SFXN5: variants seen among roughly 807,000 people sequenced by gnomAD.
SFXN5 encodes sideroflexin-5.
SFXN5 carries 43 observed loss-of-function variants against 50.2 expected under a neutral mutation model. The observed-to-expected ratio is 0.86, with a 90% confidence interval of 0.67 to 1.11. The LOEUF (loss-of-function observed/expected upper bound fraction) is 1.11, where lower values mean the gene tolerates loss of function less well. Among genes scored for constraint, SFXN5 ranks in the 50% least tolerant of loss-of-function variants. SFXN5 has a pLI of 0.00. For missense variants in SFXN5, 463 were observed against 454.1 expected, an observed-to-expected ratio of 1.02 and a Z score of -0.18; for synonymous variants, 203 against 185.8, an observed-to-expected ratio of 1.09 and a Z score of -0.75.
chr2:72,974,079 C>T (rs1029034220), intron 10 of SFXN5, among the ~76,000 whole-genome samples: 17 of 152,206 alleles, frequency 1.1e-4, no homozygotes, highest in African/African-American at 2.2e-4. Flanking sequence ...TTGGCTTCTC[C>T]GGGCATAAAA....
chr2:73,058,285 T>C lies in SFXN5; in HGVS notation c.171+243A>G, dbSNP rs187821073. ...CAATAATATCTATCTTAAAGGGTTG[T>C]TGTGAGATCCAAATGATATAATGTA... On this transcript the variant is annotated intron_variant, in intron 2 of 13. Coordinates refer to ENST00000272433, the MANE Select transcript of SFXN5 (RefSeq NM_144579.3). The C allele has an allele frequency of 1.8e-3, 756 of 423,530 alleles. 13 individuals are homozygous for C. The Admixed American group carries it at 0.024, about 14-fold the overall frequency. The allele number at this position is 423,530 out of a possible 1,614,324, so 26.2% of individuals were successfully genotyped here.
chr2:72,995,404 C>T (rs1673099975), intron 9 of SFXN5, among the ~76,000 whole-genome samples: 1 of 152,224 alleles, frequency 6.6e-6, no homozygotes, highest in South Asian at 2.1e-4. Flanking sequence ...GCTAATCCCA[C>T]CCTGGTGGTC....
intron 6 of SFXN5, among the ~76,000 whole-genome samples, chr2:73,017,753 T>G (rs1396127313): frequency 6.6e-6 from 1 of 152,196 alleles, no homozygotes; most frequent in African/African-American, 2.4e-5. Flanking sequence ...TCATGAATTT[T>G]TACAAGTTGT....
At chr2:73,041,456 CTGAGGCGGGAAGATCA>C (rs1340929687) in intron 2 of SFXN5, among the ~76,000 whole-genome samples, 1 of 152,108 alleles carries the variant, frequency 6.6e-6, no homozygotes, top group Non-Finnish European at 1.5e-5. Flanking sequence ...CTTTTGGAGG[CTGAGGCGGGAAGATCA>C]TGAGGTCAGG....
rs776366786 is a variant in SFXN5, at chr2:72,942,296, A to C, written c.*2726T>G. 2.6e-5 allele frequency: 4 copies of C among 152,304 alleles called. No homozygotes were observed. The highest frequency in any genetic ancestry group is 4.4e-5 in the Non-Finnish European group (3 of 68,106). The allele number at this position is 152,304 out of a possible 1,614,324, so 9.4% of individuals were successfully genotyped here. A position where few individuals can be genotyped will look rare whatever the true frequency, so the allele number is the denominator to read the frequency against. ...AAGAAGTCGGCTCATAACCAGGTGA[A>C]AGGGGTCCGTCGGCCAGCTCGACTC... On this transcript the variant is annotated 3_prime_UTR_variant, in exon 14 of 14. Coordinates refer to ENST00000272433, the MANE Select transcript of SFXN5 (RefSeq NM_144579.3).
chr2:72,988,576 G>C (rs1460750442), intron 9 of SFXN5, among the ~76,000 whole-genome samples: 4 of 151,996 alleles, frequency 2.6e-5, no homozygotes, highest in Non-Finnish European at 5.9e-5. Flanking sequence ...ATGAGAAAGA[G>C]GGAGAGAGGT....
intron 2 of SFXN5, among the ~76,000 whole-genome samples, chr2:73,046,453 G>A (rs182981457): frequency 1.3e-5 from 2 of 151,598 alleles, no homozygotes; most frequent in African/African-American, 4.9e-5. Flanking sequence ...TTTTGTCCAG[G>A]AAAGCAAAAG....
chr2:72,951,166 T>G (rs953464560), intron 13 of SFXN5, among the ~76,000 whole-genome samples: 2 of 152,076 alleles, frequency 1.3e-5, no homozygotes, highest in Non-Finnish European at 2.9e-5. Context: ...TGCCCTGCCA[T>G]GAAGGAAGCA....
At chr2:72,962,938 A>G (rs1411675367) in intron 12 of SFXN5, among the ~76,000 whole-genome samples, 3 of 152,008 alleles carry the variant, frequency 2.0e-5, no homozygotes, top group Non-Finnish European at 4.4e-5. Context: ...TGATCCTCCA[A>G]TCCCCATCCA....
intron 8 of SFXN5, among the ~76,000 whole-genome samples, chr2:73,000,211 C>T (rs1001071369): frequency 3.3e-5 from 5 of 152,214 alleles, no homozygotes; most frequent in African/African-American, 1.2e-4. Context: ...AACAGCCCCT[C>T]CCCAGAGGGC....
At chr2:72,986,782 G>A (rs1400031440) in intron 10 of SFXN5, among the ~76,000 whole-genome samples, 1 of 152,196 alleles carries the variant, frequency 6.6e-6, no homozygotes, top group Non-Finnish European at 1.5e-5. Context: ...CAGGGCCCCA[G>A]CCTGGGGCAT....
intron 6 of SFXN5, among the ~76,000 whole-genome samples, chr2:73,015,313 T>G (rs1390543471): frequency 2.0e-5 from 3 of 152,236 alleles, no homozygotes; most frequent in African/African-American, 7.2e-5. Context: ...TTCGTTATGA[T>G]GTACTTTGAT....
intron 1 of SFXN5, among the ~76,000 whole-genome samples, chr2:73,066,483 G>A (rs749480375): frequency 6.6e-5 from 10 of 151,916 alleles, no homozygotes; most frequent in Non-Finnish European, 1.5e-4. Flanking sequence ...ACTTGAACCC[G>A]GGAGGCGGAG....
intron 12 of SFXN5, among the ~76,000 whole-genome samples, chr2:72,968,132 CA>C (rs909370398): frequency 2.1e-5 from 3 of 144,858 alleles, no homozygotes; most frequent in African/African-American, 7.8e-5. Flanking sequence ...AACACACACA[CA>C]CACACACACA....
chr2:73,047,300 A>AATAT (rs201387989), intron 2 of SFXN5, among the ~76,000 whole-genome samples: 4 of 103,854 alleles, frequency 3.9e-5, no homozygotes, highest in East Asian at 6.1e-4. Context: ...ATATATATAA[A>AATAT]ATATATATGT....
intron 4 of SFXN5, 29 bp from the exon 5 acceptor site, chr2:73,022,605 TGGGGAC>T: frequency 7.2e-6 from 2 of 279,664 alleles, no homozygotes; most frequent in Non-Finnish European, 9.8e-6. Context: ...GAGAATGGGG[TGGGGAC>T]GGGGGTGTAG....
intron 6 of SFXN5, among the ~76,000 whole-genome samples, chr2:73,015,898 A>ATGG (rs1190471176): frequency 6.6e-6 from 1 of 151,256 alleles, no homozygotes; most frequent in African/African-American, 2.4e-5. Flanking sequence ...TGATCGCATC[A>ATGG]CTGCACTCCA....
intron 4 of SFXN5, 117 bp from the exon 5 acceptor site, chr2:73,022,693 G>T: frequency 1.4e-6 from 1 of 702,934 alleles, no homozygotes. Flanking sequence ...AAGGGAAGAA[G>T]ACAACTTCTC....
chr2:73,021,042 AGCCATGGTT>A (rs1392601928), intron 5 of SFXN5, among the ~76,000 whole-genome samples: 1 of 152,228 alleles, frequency 6.6e-6, no homozygotes, highest in Non-Finnish European at 1.5e-5. Flanking sequence ...CACACACGTG[AGCCATGGTT>A]CTCATACCCA....
Sources: allele counts gnomAD v4.1 joint callset (sites outside exome capture counted in the v4.1 genomes callset), GRCh38; gene constraint gnomAD v4.1.1; transcripts MANE v1.5; gene names NCBI Gene and HGNC (gene_info 2026-07-23, HGNC 2026-07-21).